Variants in LAMB1 observed in about 807,000 individuals in gnomAD.
The protein encoded by LAMB1 is laminin subunit beta-1.
Under a neutral mutation model 222.3 loss-of-function variants are expected in LAMB1, and 121 were observed. The observed-to-expected ratio is 0.54, with a 90% CI of 0.47 to 0.63. The LOEUF (loss-of-function observed/expected upper bound fraction) is 0.63, where lower values mean the gene tolerates loss of function less well. LAMB1 is among the 30% of genes least tolerant of loss of function. The pLI, the probability that LAMB1 is intolerant of heterozygous loss-of-function variation, is 0.00. For synonymous variants in LAMB1, 794 were observed against 807.2 expected, an observed-to-expected ratio of 0.98 and a Z score of 0.28; for missense variants, 2,172 against 2,240.8, an observed-to-expected ratio of 0.97 and a Z score of 0.62.
chr7:107,979,664 A>C (rs147612162), intron 8 of LAMB1, among the ~76,000 whole-genome samples: 1 of 152,240 alleles, frequency 6.6e-6, no homozygotes, highest in Non-Finnish European at 1.5e-5. Flanking sequence ...CAAAATGTAC[A>C]TAAGTTGCAA....
intron 9 of LAMB1, among the ~76,000 whole-genome samples, chr7:107,976,652 A>AC (rs896561771): frequency 2.1e-4 from 32 of 152,034 alleles, no homozygotes; most frequent in African/African-American, 7.7e-4. Flanking sequence ...TTATCTACTC[A>AC]CATCCTTGGT....
intron 22 of LAMB1, among the ~76,000 whole-genome samples, chr7:107,953,087 C>T (rs539236261): frequency 9.2e-5 from 14 of 152,260 alleles, no homozygotes; most frequent in East Asian, 7.7e-4. Flanking sequence ...CCAGGTGCAA[C>T]GGCTCACGCC....
chr7:107,998,385 G>A lies in LAMB1; in HGVS notation c.321C>T (p.Arg107=). ...ENVVTTFAPN[R]LKIWWQSENG... is the part of the protein sequence containing the mutation. ...TTTCAGATTGCCACCAAATCTTAAG[G>A]CGGTTTGGAGCAAATGTAGTGACCA... Residue 107 remains arginine, a synonymous_variant, in exon 4 of 34, where the codon CGC becomes CGT. Coordinates refer to ENST00000222399, the MANE Select transcript of LAMB1 (RefSeq NM_002291.3). The A allele has an allele frequency of 6.2e-7, 1 of 1,614,006 alleles. No homozygotes were observed. The highest frequency in any genetic ancestry group is 8.5e-7 in the Non-Finnish European group (1 of 1,179,966).
chr7:107,932,294 C>A lies in LAMB1; in HGVS notation c.4272G>T (p.Lys1424Asn), dbSNP rs1275297115. Residue 1424 changes from lysine (K) to asparagine (N), a missense_variant, in exon 28 of 34, where the codon AAG (lysine) becomes AAT (asparagine). Physicochemically the swap from Lys to Asn is moderately conservative, Grantham distance 94. Coordinates refer to ENST00000222399, the MANE Select transcript of LAMB1 (RefSeq NM_002291.3). ...PNCRTDEGER[K>N]CGGPGCGGLV... ...GACCACCACAGCCAGGCCCCCCACA[C>A]TTCCTCTCTCCTTCGTCAGTTCTGC... The A allele has an allele frequency of 1.2e-6, 2 of 1,614,238 alleles. No homozygotes were observed. The highest frequency in any genetic ancestry group is 1.7e-6 in the Non-Finnish European group (2 of 1,180,046).
intron 13 of LAMB1, 105 bp downstream of exon 13, chr7:107,972,887 A>C (rs1288353710): frequency 2.2e-6 from 2 of 899,964 alleles, no homozygotes; most frequent in African/African-American, 1.6e-5. Context: ...CATACAAAAA[A>C]TATTTTGCAT....
intron 9 of LAMB1, 127 bp from the exon 10 acceptor site, chr7:107,976,004 G>C: frequency 1.4e-6 from 1 of 708,380 alleles, no homozygotes; most frequent in Non-Finnish European, 2.3e-6. Context: ...CAACAAGCAG[G>C]ACTCCTGGGG....
chr7:107,968,359 G>A (rs1443719461), intron 13 of LAMB1, among the ~76,000 whole-genome samples: 1 of 152,096 alleles, frequency 6.6e-6, no homozygotes, highest in Admixed American at 6.5e-5. Context: ...GGAGAATAAG[G>A]ACATAAAATA....
intron 32 of LAMB1, among the ~76,000 whole-genome samples, chr7:107,925,400 G>GTTGTGCACTCCTTATGGAATC (rs2032537390): frequency 6.6e-6 from 1 of 152,048 alleles, no homozygotes; most frequent in Non-Finnish European, 1.5e-5. Flanking sequence ...AGGGATCTAG[G>GTTGTGCACTCCTTATGGAATC]TTGTGCACTC....
At chr7:108,000,730 G>T (rs1167943859) in intron 3 of LAMB1, among the ~76,000 whole-genome samples, 1 of 152,166 alleles carries the variant, frequency 6.6e-6, no homozygotes, top group Non-Finnish European at 1.5e-5. Context: ...ATTTTTTGTA[G>T]AGACTGAGTC....
intron 2 of LAMB1, among the ~76,000 whole-genome samples, chr7:108,002,540 G>A (rs1255354629): frequency 1.3e-5 from 2 of 152,240 alleles, no homozygotes; most frequent in Non-Finnish European, 2.9e-5. Context: ...CAGGGAACCT[G>A]CCCTCTGCGG....
intron 9 of LAMB1, among the ~76,000 whole-genome samples, chr7:107,976,323 C>A (rs1186416078): frequency 5.3e-5 from 8 of 152,106 alleles, no homozygotes; most frequent in African/African-American, 1.9e-4. Flanking sequence ...GACCGTGAGG[C>A]CTGAAGGATG....
At chr7:107,967,761 G>C (rs1339437988) in intron 13 of LAMB1, among the ~76,000 whole-genome samples, 1 of 149,848 alleles carries the variant, frequency 6.7e-6, no homozygotes, top group African/African-American at 2.5e-5. Flanking sequence ...AAGAGAAATA[G>C]AAAAAAAAAT....
At chr7:107,972,372 A>C (rs2033766566) in intron 13 of LAMB1, among the ~76,000 whole-genome samples, 1 of 152,172 alleles carries the variant, frequency 6.6e-6, no homozygotes, top group African/African-American at 2.4e-5. Context: ...CACTTACACT[A>C]TCTGTTCCAG....
At chr7:107,996,681 C>T (rs1395256772) in intron 4 of LAMB1, among the ~76,000 whole-genome samples, 3 of 152,214 alleles carry the variant, frequency 2.0e-5, no homozygotes, top group Non-Finnish European at 4.4e-5. Flanking sequence ...TTTCTGGCAT[C>T]TGGTCTCTTT....
At chr7:107,928,809 A>C (rs1035942753) in intron 31 of LAMB1, among the ~76,000 whole-genome samples, 1 of 152,206 alleles carries the variant, frequency 6.6e-6, no homozygotes. Context: ...AGAAGTTTTT[A>C]TCTTTCTCAG....
chr7:107,963,830 G>A (rs1167669964), intron 14 of LAMB1, among the ~76,000 whole-genome samples: 1 of 152,220 alleles, frequency 6.6e-6, no homozygotes, highest in East Asian at 1.9e-4. Context: ...CAGGCACAGT[G>A]GCTCACGCCT....
intron 21 of LAMB1, 114 bp from the exon 22 acceptor site, chr7:107,953,868 G>A (rs2033316524): frequency 2.3e-6 from 2 of 851,970 alleles, no homozygotes; most frequent in African/African-American, 3.3e-5. Context: ...CATCTTCACT[G>A]CACTGTTTAA....
At chr7:107,966,505 A>G (rs1191837221) in intron 13 of LAMB1, among the ~76,000 whole-genome samples, 1 of 152,156 alleles carries the variant, frequency 6.6e-6, no homozygotes, top group Admixed American at 6.5e-5. Flanking sequence ...CACCACGCCC[A>G]GCCAGGAATA....
intron 5 of LAMB1, 57 bp downstream of exon 5, chr7:107,994,830 G>T: frequency 1.1e-6 from 1 of 895,260 alleles, no homozygotes; most frequent in South Asian, 1.6e-5. Flanking sequence ...CATTTTGAAA[G>T]GGGACATTAC....
Sources: allele counts gnomAD v4.1 joint callset (sites outside exome capture counted in the v4.1 genomes callset), GRCh38; gene constraint gnomAD v4.1.1; transcripts MANE v1.5; gene names NCBI Gene and HGNC (gene_info 2026-07-23, HGNC 2026-07-21).